Variants in MMS22L observed in about 807,000 individuals in gnomAD.
MMS22L encodes the protein protein MMS22-like.
MMS22L carries 74 observed loss-of-function variants against 159.1 expected under a neutral mutation model. The ratio of observed to expected loss-of-function variants is 0.47; its 90% CI spans 0.39 to 0.56. The LOEUF is 0.56. MMS22L is among the 20% of genes least tolerant of loss of function. The pLI, the probability that MMS22L is intolerant of heterozygous loss-of-function variation, is 0.00. For synonymous variants in MMS22L, 517 were observed against 506.9 expected (o/e 1.02, Z -0.27); for missense variants, 1,351 against 1,422.1 (o/e 0.95, Z 0.80).
chr6:97,174,403 C>T (rs560504069), intron 18 of MMS22L, among the ~76,000 whole-genome samples: 2 of 152,102 alleles, frequency 1.3e-5, no homozygotes, highest in East Asian at 1.9e-4. Flanking sequence ...TTTTCTTCTG[C>T]AGCACTCAGC....
intron 10 of MMS22L, chr6:97,253,729 G>C (rs1054893923): frequency 1.3e-5 from 2 of 152,108 alleles, no homozygotes; most frequent in South Asian, 2.1e-4. Context: ...CAAAGTGCTG[G>C]GATTATAGGC....
chr6:97,208,853 T>C (rs1808065677), intron 14 of MMS22L, among the ~76,000 whole-genome samples: 2 of 152,068 alleles, frequency 1.3e-5, no homozygotes, highest in South Asian at 4.1e-4. Flanking sequence ...TACTGGAGCA[T>C]GTATCCTCTG....
chr6:97,208,507 A>C (rs569386861), intron 14 of MMS22L, among the ~76,000 whole-genome samples: 4 of 152,116 alleles, frequency 2.6e-5, no homozygotes, highest in Non-Finnish European at 2.9e-5. Context: ...AAATATGAAC[A>C]GGGCAAACAA....
chr6:97,272,994 C>T lies in MMS22L; in HGVS notation c.409G>A (p.Val137Ile), dbSNP rs1408552953. The T allele has an allele frequency of 1.2e-6, 2 of 1,612,890 alleles. No homozygotes were observed. The highest frequency in any genetic ancestry group is 1.1e-5 in the South Asian group (1 of 90,754). The change falls in exon 5 of 25, where the codon GTT (valine) becomes ATT (isoleucine). Residue 137 changes from valine (V) to isoleucine (I), a missense_variant. Physicochemically the swap from Val to Ile is conservative, Grantham distance 29. Coordinates refer to ENST00000683635, the MANE Select transcript of MMS22L (RefSeq NM_001350599.2). ...TCCTACCTGAAGATGAAAACTTTAA[C>T]ATAATGGAGAAATAGTACACACTGC... ...RQQCVLFLHY[V>I]KVFIFRYLKV... is the part of the protein sequence containing the mutation.
At chr6:97,272,607 G>A in intron 6 of MMS22L, 97 bp downstream of exon 6, 2 of 1,097,160 alleles carry the variant, frequency 1.8e-6, no homozygotes. Flanking sequence ...TCAGGTTCCA[G>A]AGCTGTAATT....
intron 6 of MMS22L, chr6:97,270,213 C>A: frequency 1.6e-6 from 1 of 611,114 alleles, no homozygotes; most frequent in Non-Finnish European, 3.0e-6. Context: ...TTAAGACAAA[C>A]CCACCTTGGG....
chr6:97,232,815 C>G (rs903535770), intron 12 of MMS22L, among the ~76,000 whole-genome samples: 16 of 152,190 alleles, frequency 1.1e-4, no homozygotes, highest in Non-Finnish European at 7.4e-5. Context: ...TGTAAATCTT[C>G]CATTACCATT....
rs145962535 is a variant in MMS22L at position 97,243,202 on chromosome 6, G to T, written c.1182+3426C>A. Among the ~76,000 whole-genome samples the T allele has an allele frequency of 6.2e-4, 94 of 152,138 alleles. 1 individual carries two copies. The highest frequency in any genetic ancestry group is 2.2e-3 in the African/African-American group (93 of 41,514). On this transcript the variant is annotated intron_variant, in intron 11 of 24. Transcript: ENST00000683635. ...CTTTTAGATTTCTCTTCTTCTTCAG[G>T]AACACCAATTATTCTTAGGTTTGGT...
At chr6:97,242,041 G>A (rs1812134683) in intron 11 of MMS22L, among the ~76,000 whole-genome samples, 1 of 152,168 alleles carries the variant, frequency 6.6e-6, no homozygotes, top group Non-Finnish European at 1.5e-5. Flanking sequence ...CTTGGAGAAT[G>A]TTCCATGTGC....
chr6:97,198,166 T>C (rs974246998), intron 14 of MMS22L, among the ~76,000 whole-genome samples: 3 of 152,154 alleles, frequency 2.0e-5, no homozygotes, highest in African/African-American at 4.8e-5. Flanking sequence ...GGAAGTCCAA[T>C]GACCCTGAGA....
At chr6:97,201,396 T>C (rs776806287) in intron 14 of MMS22L, among the ~76,000 whole-genome samples, 47 of 152,172 alleles carry the variant, frequency 3.1e-4, no homozygotes, top group African/African-American at 1.0e-3. Flanking sequence ...TTTGGTAATA[T>C]AGACAGTGGA....
Position 97,254,620 on chromosome 6 carries a change from C to T in MMS22L, c.1056G>A (p.Trp352Ter). Residue 352 changes from tryptophan (W) to a stop codon, truncating the protein, a stop_gained, in exon 10 of 25, where the codon TGG (tryptophan) becomes TGA (stop). Coordinates refer to ENST00000683635, the MANE Select transcript of MMS22L (RefSeq NM_001350599.2). LOFTEE classifies it high-confidence loss of function. Reference protein sequence around the residue: ...IQSRDPLGFSWWIITHVASFY... With the variant: ...IQSRDPLGFS The stretch of plus-strand genomic sequence containing the variant: ...ATGATGCTACATGAGTAATAATCCA[C>T]CAACTAAAACCTAATGGATCCCTGG... 1 of 1,613,484 alleles carries T rather than the reference C, an allele frequency of 6.2e-7. No homozygotes were observed. Among genetic ancestry groups the T allele is most frequent in the East Asian group, 2.2e-5 (1 of 44,808 alleles).
chr6:97,272,932 C>T (rs370984784), intron 5 of MMS22L, 43 bp downstream of exon 5: 9 of 1,605,774 alleles, frequency 5.6e-6, no homozygotes, highest in Non-Finnish European at 7.6e-6. Flanking sequence ...TGAATACACA[C>T]AGAAATTCAT....
chr6:97,159,715 C>T (rs550148361), intron 22 of MMS22L, among the ~76,000 whole-genome samples: 18 of 151,926 alleles, frequency 1.2e-4, no homozygotes, highest in African/African-American at 4.3e-4. Flanking sequence ...TGACAAGTTG[C>T]ATATACTATT....
chr6:97,159,245 CTT>C (rs1433286454), intron 22 of MMS22L, among the ~76,000 whole-genome samples: 1 of 151,602 alleles, frequency 6.6e-6, no homozygotes, highest in South Asian at 2.1e-4. Context: ...AATCTTGACT[CTT>C]TATCCAATTT....
intron 21 of MMS22L, among the ~76,000 whole-genome samples, chr6:97,163,559 A>G (rs1161217923): frequency 2.0e-5 from 3 of 152,122 alleles, no homozygotes; most frequent in Non-Finnish European, 4.4e-5. Context: ...ACAGTTTTAC[A>G]GATTCAATTT....
At chr6:97,281,034 T>G (rs1304913417) in intron 3 of MMS22L, among the ~76,000 whole-genome samples, 1 of 152,176 alleles carries the variant, frequency 6.6e-6, no homozygotes, top group African/African-American at 2.4e-5. Flanking sequence ...ATGCAAAGAA[T>G]AAAGATTCTG....
intron 14 of MMS22L, among the ~76,000 whole-genome samples, chr6:97,192,028 G>A (rs1159743897): frequency 1.3e-5 from 2 of 152,096 alleles, no homozygotes; most frequent in Non-Finnish European, 2.9e-5. Context: ...TCCCAATCCT[G>A]TGCATGCCCA....
chr6:97,206,758 C>T (rs1807832752), intron 14 of MMS22L, among the ~76,000 whole-genome samples: 1 of 152,044 alleles, frequency 6.6e-6, no homozygotes, highest in African/African-American at 2.4e-5. Context: ...AAAAGAGACA[C>T]TAAACGCCCA....
Sources: allele counts gnomAD v4.1 joint callset (sites outside exome capture counted in the v4.1 genomes callset), GRCh38; gene constraint gnomAD v4.1.1; transcripts MANE v1.5; gene names NCBI Gene and HGNC (gene_info 2026-07-23, HGNC 2026-07-21).